The following HS6ST2 variants were observed in gnomAD, a reference collection of about 807,000 sequenced individuals.
The protein encoded by HS6ST2 is heparan-sulfate 6-O-sulfotransferase 2.
HS6ST2 carries 17 observed loss-of-function variants against 33.0 expected under a neutral mutation model. The ratio of observed to expected loss-of-function variants is 0.52; its 90% CI spans 0.35 to 0.77. The LOEUF (loss-of-function observed/expected upper bound fraction) is 0.77. HS6ST2 is among the 30% of genes least tolerant of loss of function. HS6ST2 has a pLI of 0.01. For synonymous variants in HS6ST2, 248 were observed against 237.1 expected, an observed-to-expected ratio of 1.05 and a Z score of -0.42; for missense variants, 519 against 551.7, an observed-to-expected ratio of 0.94 and a Z score of 0.59.
chrX:132,653,632 G>A (rs1014685450), intron 4 of HS6ST2, among the ~76,000 whole-genome samples: 5 of 111,656 alleles, frequency 4.5e-5, no homozygotes, highest in African/African-American at 1.6e-4. Context: ...GGTTAGGTAT[G>A]GGGACAGATG....
chrX:132,890,857 T>A (rs73239341), intron 2 of HS6ST2, among the ~76,000 whole-genome samples: 2,618 of 111,186 alleles, frequency 0.024, 35 homozygotes, highest in Middle Eastern at 0.065. Context: ...CTGACAATCA[T>A]CTGGAAAGTT....
intron 4 of HS6ST2, among the ~76,000 whole-genome samples, chrX:132,648,178 C>T (rs1389671855): frequency 8.9e-6 from 1 of 112,087 alleles, no homozygotes; most frequent in Non-Finnish European, 1.9e-5. Flanking sequence ...GTCAGACTTA[C>T]ACACTTTGGG....
At chrX:132,930,951 G>C (rs766487630) in intron 2 of HS6ST2, among the ~76,000 whole-genome samples, 3 of 110,755 alleles carry the variant, frequency 2.7e-5, no homozygotes, top group African/African-American at 6.6e-5. Context: ...ATATGTCTTG[G>C]AGCCAATAAA....
At chrX:132,759,339 T>G (rs112218386) in intron 2 of HS6ST2, among the ~76,000 whole-genome samples, 24 of 112,035 alleles carry the variant, frequency 2.1e-4, no homozygotes, top group African/African-American at 7.5e-4. Context: ...ATTTTTCACT[T>G]CACTCTCTGA....
intron 2 of HS6ST2, among the ~76,000 whole-genome samples, chrX:132,861,327 A>G (rs958934864): frequency 3.6e-5 from 4 of 112,185 alleles, no homozygotes; most frequent in African/African-American, 1.3e-4. Context: ...GGCTAACTCT[A>G]TAAATTAAAA....
rs1299081072 is a variant in HS6ST2 at position 132,628,227 on chromosome X, C to T, written c.1934G>A (p.Arg645His). 1 of 1,152,432 alleles carries T rather than the reference C, an allele frequency of 8.7e-7. No homozygotes were observed. Among genetic ancestry groups the T allele is most frequent in the Admixed American group, 2.6e-5 (1 of 38,196 alleles). The allele number at this position is 1,152,432 out of a possible 1,213,427, so 95.0% of individuals were successfully genotyped here. ...GTACAGGCCTTTTTGAGCCATTTAA[C>T]GCCATTTCTCTACACTGCCTATGTA... is the stretch of plus-strand genomic sequence containing the variant. Reference protein sequence around the residue: ...NDYIGSVEKWR With the variant: ...NDYIGSVEKWH Residue 645 changes from arginine (R) to histidine (H), a missense_variant, in exon 5 of 5, where the codon CGT becomes CAT. By Grantham distance (29) the Arg-to-His change is conservative. Coordinates refer to ENST00000370833, the MANE Select transcript of HS6ST2 (RefSeq NM_001394073.1).
intron 3 of HS6ST2, among the ~76,000 whole-genome samples, chrX:132,689,924 G>A (rs945503112): frequency 9.1e-6 from 1 of 110,031 alleles, no homozygotes; most frequent in South Asian, 3.9e-4. Context: ...ATTTGTGTTC[G>A]TGTGTTTTAT....
At chrX:132,884,748 C>A (rs912038348) in intron 2 of HS6ST2, among the ~76,000 whole-genome samples, 4 of 111,358 alleles carry the variant, frequency 3.6e-5, no homozygotes, top group Non-Finnish European at 7.5e-5. Context: ...TCAAACATAT[C>A]AGATCATGTT....
intron 2 of HS6ST2, among the ~76,000 whole-genome samples, chrX:132,863,919 G>T (rs1402195435): frequency 9.0e-6 from 1 of 111,667 alleles, no homozygotes; most frequent in Non-Finnish European, 1.9e-5. Context: ...AGCAATCTTT[G>T]CTGTTCTGCA....
chrX:132,754,502 C>T (rs959401059), intron 2 of HS6ST2, among the ~76,000 whole-genome samples: 4 of 107,986 alleles, frequency 3.7e-5, no homozygotes, highest in African/African-American at 1.4e-4. Context: ...CTGCAACCTC[C>T]GCCCCCCTGG....
intron 4 of HS6ST2, among the ~76,000 whole-genome samples, chrX:132,632,365 TG>T (rs1466921673): frequency 9.0e-6 from 1 of 111,388 alleles, no homozygotes; most frequent in African/African-American, 3.3e-5. Context: ...CTGAATTTCA[TG>T]GTGTGTTGGA....
At chrX:132,941,692 T>C (rs945341036) in intron 2 of HS6ST2, among the ~76,000 whole-genome samples, 3 of 112,069 alleles carry the variant, frequency 2.7e-5, no homozygotes, top group Non-Finnish European at 5.6e-5. Flanking sequence ...TATAACTTCA[T>C]AAACATATAA....
At chrX:132,863,603 C>T (rs1284974758) in intron 2 of HS6ST2, among the ~76,000 whole-genome samples, 1 of 110,038 alleles carries the variant, frequency 9.1e-6, no homozygotes, top group Non-Finnish European at 1.9e-5. Flanking sequence ...GGATTATAGG[C>T]ATGAGCCACT....
At chrX:132,891,629 T>C (rs1339612241) in intron 2 of HS6ST2, among the ~76,000 whole-genome samples, 1 of 110,456 alleles carries the variant, frequency 9.1e-6, no homozygotes, top group Non-Finnish European at 1.9e-5. Flanking sequence ...AGTGAGAACA[T>C]GCGGTGTTTG....
At chrX:132,937,787 C>T (rs893274117) in intron 2 of HS6ST2, among the ~76,000 whole-genome samples, 3 of 111,285 alleles carry the variant, frequency 2.7e-5, no homozygotes, top group Non-Finnish European at 3.8e-5. Flanking sequence ...AAAGATTATG[C>T]ACCATGACTA....
At chrX:132,883,154 G>A (rs768798701) in intron 2 of HS6ST2, among the ~76,000 whole-genome samples, 1 of 111,472 alleles carries the variant, frequency 9.0e-6, no homozygotes, top group East Asian at 2.8e-4. Flanking sequence ...AAATGAGTTA[G>A]GGAGGATTCC....
intron 2 of HS6ST2, among the ~76,000 whole-genome samples, chrX:132,893,276 A>G (rs1283323899): frequency 8.9e-6 from 1 of 112,048 alleles, no homozygotes; most frequent in African/African-American, 3.2e-5. Flanking sequence ...CAGCACCACA[A>G]AGGGTTGTTG....
At chrX:132,923,868 A>C (rs780657978) in intron 2 of HS6ST2, among the ~76,000 whole-genome samples, 26 of 112,298 alleles carry the variant, frequency 2.3e-4, no homozygotes, top group Admixed American at 4.7e-4. Context: ...TTTGCAATTA[A>C]AAAAACAAAT....
intron 2 of HS6ST2, among the ~76,000 whole-genome samples, chrX:132,888,267 C>G (rs754818147): frequency 8.1e-5 from 9 of 110,658 alleles, no homozygotes; most frequent in Admixed American, 2.9e-4. Context: ...CTGGGGAGGC[C>G]GCACAATCAT....
Sources: gnomAD v4.1 joint callset for allele counts (sites outside exome capture counted in the v4.1 genomes callset) on GRCh38, gnomAD v4.1.1 for gene constraint, MANE v1.5 for transcripts, NCBI Gene and HGNC (gene_info 2026-07-23, HGNC 2026-07-21) for gene names.